Variants in STK24 observed in about 807,000 individuals in gnomAD.
The protein encoded by STK24 is serine/threonine-protein kinase 24.
A neutral mutation model predicts 55.6 loss-of-function variants in STK24; 21 were observed. That is an observed-to-expected ratio of 0.38 (90% confidence interval 0.27 to 0.54). The LOEUF is 0.54. Ranked by LOEUF, STK24 falls within the 20% of genes least tolerant of loss-of-function variation. The pLI, the probability that STK24 is intolerant of heterozygous loss-of-function variation, is 0.79. For missense variants in STK24, 383 were observed against 538.4 expected, an observed-to-expected ratio of 0.71 and a Z score of 2.86; for synonymous variants, 200 against 215.2, an observed-to-expected ratio of 0.93 and a Z score of 0.62.
At chr13:98,457,773 G>T (rs2098435380) in intron 9 of STK24, among the ~76,000 whole-genome samples, 4 of 152,146 alleles carry the variant, frequency 2.6e-5, no homozygotes. Context: ...CCCGGCCCGG[G>T]TTCCTTTTGA....
intron 5 of STK24, among the ~76,000 whole-genome samples, chr13:98,471,297 T>C (rs1285657492): frequency 1.3e-5 from 2 of 152,136 alleles, no homozygotes; most frequent in Non-Finnish European, 2.9e-5. Flanking sequence ...TTTCCATCAA[T>C]GCATCACCAG....
chr13:98,448,004 T>A lies in STK24; in HGVS notation c.*5169A>T. 1.7e-6 allele frequency: 1 copy of A among 571,516 alleles called. No homozygotes were observed. Among genetic ancestry groups the A allele is most frequent in the Non-Finnish European group, 3.1e-6 (1 of 319,630 alleles). 35.4% of individuals were successfully genotyped at this position (571,516 alleles called of 1,614,324 possible). The stretch of plus-strand genomic sequence containing the variant: ...AACTGCTCCAATGGAGCGGGCAGTG[T>A]CACTGCAGCAAGGTACTTCCAGCTC... On this transcript the variant is annotated 3_prime_UTR_variant, in exon 11 of 11. Transcript: ENST00000539966.
At chr13:98,499,112 G>C (rs1566370294) in intron 2 of STK24, among the ~76,000 whole-genome samples, 1 of 152,034 alleles carries the variant, frequency 6.6e-6, no homozygotes, top group Admixed American at 6.6e-5. Context: ...CCAGCATAGT[G>C]GTGCAATCCC....
intron 1 of STK24, among the ~76,000 whole-genome samples, chr13:98,561,505 C>T (rs1026204582): frequency 1.3e-5 from 2 of 152,028 alleles, no homozygotes; most frequent in Non-Finnish European, 2.9e-5. Flanking sequence ...TCACTTGAAG[C>T]CGGGAGGCAG....
At chr13:98,462,061 A>ACC (rs11417523) in intron 7 of STK24, among the ~76,000 whole-genome samples, 164 bp from the exon 8 acceptor site, 1 of 148,248 alleles carries the variant, frequency 6.7e-6, no homozygotes, top group African/African-American at 2.5e-5. Flanking sequence ...TTTCCCAAAG[A>ACC]CCCCCCCGCC....
intron 1 of STK24, among the ~76,000 whole-genome samples, chr13:98,538,843 G>A (rs1337587200): frequency 6.6e-6 from 1 of 152,096 alleles, no homozygotes; most frequent in Non-Finnish European, 1.5e-5. Flanking sequence ...CTTCTTTCTT[G>A]CTCCTCGGTG....
chr13:98,543,838 G>C lies in STK24; in HGVS notation c.43-24365C>G, dbSNP rs1896961097. Among the ~76,000 whole-genome samples, 4 of 152,198 alleles carry C rather than the reference G, an allele frequency of 2.6e-5. No individual in the cohort carries two copies. The South Asian group carries it at 8.3e-4, about 31-fold the overall frequency. On this transcript the variant is annotated intron_variant, in intron 1 of 10. Transcript: ENST00000539966. ...GCCAGAAGCTGCCATCCACGACTCA[G>C]TATCCGGCAGACTCGGTCACCCACA... is the stretch of plus-strand genomic sequence containing the variant.
In STK24 at chr13:98,451,810, C is replaced by T. The variant is rs924788307; in HGVS notation, c.*1363G>A. The T allele has an allele frequency of 6.6e-6, 1 of 152,338 alleles. No homozygotes were observed. Among genetic ancestry groups the T allele is most frequent in the Non-Finnish European group, 1.5e-5 (1 of 68,114 alleles). 9.4% of individuals were successfully genotyped at this position (152,338 alleles called of 1,614,324 possible). On this transcript the variant is annotated 3_prime_UTR_variant, in exon 11 of 11. Transcript: ENST00000539966. Reference sequence around the variant, plus strand: ...CTCCAGAAACCCAGAGATTTTCCCCCTCGCCAAGCAAGGTCCCACAGCAAA... The same window carrying T: ...CTCCAGAAACCCAGAGATTTTCCCCTTCGCCAAGCAAGGTCCCACAGCAAA...
chr13:98,512,228 A>G (rs1382061052), intron 2 of STK24, among the ~76,000 whole-genome samples: 2 of 152,178 alleles, frequency 1.3e-5, no homozygotes, highest in African/African-American at 4.8e-5. Context: ...GGGAAAAACA[A>G]ACCCATACAT....
At chr13:98,562,556 T>C (rs1304780589) in intron 1 of STK24, among the ~76,000 whole-genome samples, 3 of 152,346 alleles carry the variant, frequency 2.0e-5, no homozygotes, top group Non-Finnish European at 2.9e-5. Context: ...TTGATTGCTA[T>C]AGCTAATATT....
chr13:98,550,813 C>A (rs1897139150), intron 1 of STK24, among the ~76,000 whole-genome samples: 1 of 152,150 alleles, frequency 6.6e-6, no homozygotes, highest in South Asian at 2.1e-4. Flanking sequence ...AAAATGAAAT[C>A]ATTTATACAG....
intron 5 of STK24, among the ~76,000 whole-genome samples, chr13:98,471,324 T>C (rs900729855): frequency 1.3e-5 from 2 of 152,150 alleles, no homozygotes; most frequent in African/African-American, 2.4e-5. Context: ...CTTTTCACCA[T>C]GGTTACACTT....
chr13:98,557,414 A>C (rs528446299), intron 1 of STK24, among the ~76,000 whole-genome samples: 2 of 152,276 alleles, frequency 1.3e-5, no homozygotes, highest in African/African-American at 4.8e-5. Flanking sequence ...GGGTGCGTTC[A>C]TTCGCCCCAG....
chr13:98,465,177 T>C (rs1452291813), intron 6 of STK24, among the ~76,000 whole-genome samples: 2 of 152,152 alleles, frequency 1.3e-5, no homozygotes, highest in African/African-American at 4.8e-5. Flanking sequence ...TCGAACCAAG[T>C]TCCCACTCAC....
intron 1 of STK24, among the ~76,000 whole-genome samples, chr13:98,563,064 C>T (rs1044761706): frequency 6.6e-6 from 1 of 152,126 alleles, no homozygotes; most frequent in Non-Finnish European, 1.5e-5. Context: ...AAACGATTTG[C>T]TCCACAACAT....
At chr13:98,525,613 C>G (rs571544129) in intron 1 of STK24, among the ~76,000 whole-genome samples, 2 of 152,264 alleles carry the variant, frequency 1.3e-5, no homozygotes, top group East Asian at 3.9e-4. Flanking sequence ...CTCGCCACCC[C>G]GGTATAGGCA....
chr13:98,532,062 C>T (rs1307869398), intron 1 of STK24, among the ~76,000 whole-genome samples: 1 of 152,096 alleles, frequency 6.6e-6, no homozygotes, highest in East Asian at 1.9e-4. Context: ...AGGGCCCCAC[C>T]CCCCATCAGC....
rs1301330296 is a variant in STK24 at position 98,477,180 on chromosome 13, A to G, written c.331-1822T>C. ...TACTATTCTAAAGAACACAATCAGG[A>G]AAACTATGCCTTAAGTCAGCTTTCT... On this transcript the variant is annotated intron_variant, in intron 3 of 10. Coordinates refer to ENST00000539966, the MANE Select transcript of STK24 (RefSeq NM_001032296.4). Among the ~76,000 whole-genome samples the G allele has an allele frequency of 7.9e-5, 12 of 152,266 alleles. No individual in the cohort carries two copies. In the East Asian group the frequency reaches 2.3e-3, roughly 29 times the overall value.
chr13:98,499,338 G>A (rs569761940), intron 2 of STK24, among the ~76,000 whole-genome samples: 2 of 152,136 alleles, frequency 1.3e-5, no homozygotes, highest in Non-Finnish European at 2.9e-5. Flanking sequence ...AGGGAATCCC[G>A]CACCTTGGGA....
Sources: gnomAD v4.1 joint callset for allele counts (sites outside exome capture counted in the v4.1 genomes callset) on GRCh38, gnomAD v4.1.1 for gene constraint, MANE v1.5 for transcripts, NCBI Gene and HGNC (gene_info 2026-07-23, HGNC 2026-07-21) for gene names.